NEB: variants seen among roughly 807,000 people sequenced by gnomAD.
The protein encoded by NEB is nebulin.
NEB carries 512 observed loss-of-function variants against 952.2 expected under a neutral mutation model. That is an observed-to-expected ratio of 0.54 (90% CI 0.50 to 0.58). The LOEUF (loss-of-function observed/expected upper bound fraction) is 0.58. NEB is among the 20% of genes least tolerant of loss of function. NEB has a pLI of 0.00. For synonymous variants in NEB, 2,900 were observed against 3,149.8 expected (o/e 0.92, Z 2.66); for missense variants, 8,428 against 9,231.1 (o/e 0.91, Z 3.56).
At chr2:151,657,443 G>T (rs1351282346) in intron 48 of NEB, among the ~76,000 whole-genome samples, 4 of 152,008 alleles carry the variant, frequency 2.6e-5, no homozygotes, top group Non-Finnish European at 4.4e-5. Flanking sequence ...CTGCTTTTTT[G>T]CCGGCCAGCG....
intron 69 of NEB, 98 bp downstream of exon 69, chr2:151,627,425 C>T: frequency 1.3e-6 from 2 of 1,506,096 alleles, no homozygotes; most frequent in Non-Finnish European, 1.8e-6. Context: ...GAAGAAATGT[C>T]ATCCCTTCTG....
chr2:151,653,521 A>G (rs2099054112), intron 52 of NEB, among the ~76,000 whole-genome samples: 1 of 152,188 alleles, frequency 6.6e-6, no homozygotes, highest in Non-Finnish European at 1.5e-5. Context: ...TTATGTCCCA[A>G]GGTAATTTAT....
chr2:151,486,011 C>T (rs2050016360), intron 181 of NEB, 78 bp from the exon 182 acceptor site: 2 of 1,427,476 alleles, frequency 1.4e-6, no homozygotes, highest in Admixed American at 1.8e-5. Context: ...TGTAAGATCT[C>T]TCATGACTGA....
At chr2:151,571,994 T>C (rs1013795810) in intron 107 of NEB, among the ~76,000 whole-genome samples, 3 of 152,254 alleles carry the variant, frequency 2.0e-5, no homozygotes, top group Non-Finnish European at 2.9e-5. Context: ...TGACTTGTTT[T>C]CTGTACAGAA....
intron 23 of NEB, among the ~76,000 whole-genome samples, chr2:151,691,604 T>C (rs1319311719): frequency 1.3e-5 from 2 of 152,210 alleles, no homozygotes; most frequent in Non-Finnish European, 1.5e-5. Context: ...ATCTTAAATC[T>C]GCATGTCCTT....
chr2:151,621,791 T>C (rs1382967052), intron 71 of NEB, among the ~76,000 whole-genome samples: 2 of 152,220 alleles, frequency 1.3e-5, no homozygotes, highest in Admixed American at 1.3e-4. Flanking sequence ...ACTGATTCTG[T>C]ATCCTCTTAA....
chr2:151,695,663 T>C lies in NEB; in HGVS notation c.1589A>G (p.His530Arg). ...ATGGCACTTGAACTTTTCACTTTCA[T>C]GTTTTGCTTTGTAATTTAACTATGA... ...QLSDLNYKAK[H>R]ESEKFKCHIP... is the part of the protein sequence containing the mutation. The change falls in exon 18 of 182, where the codon CAT (histidine) becomes CGT (arginine). Residue 530 changes from histidine to arginine, a missense_variant. By Grantham distance (29) the His-to-Arg change is conservative (BLOSUM62 0). Around this residue, in one of 11 missense-constraint regions of NEB, gnomAD observed 2,851 missense variants for 2,791.5 expected, o/e 1.02. Coordinates refer to ENST00000397345, the MANE Select transcript of NEB (RefSeq NM_001164508.2). 1 of 1,613,354 alleles carries C rather than the reference T, an allele frequency of 6.2e-7. No homozygotes were observed. The highest frequency in any genetic ancestry group is 1.1e-5 in the South Asian group (1 of 90,996).
intron 173 of NEB, among the ~76,000 whole-genome samples, chr2:151,495,678 C>T (rs1190132263): frequency 6.6e-5 from 10 of 152,000 alleles, no homozygotes; most frequent in Non-Finnish European, 1.2e-4. Context: ...ACAACAACAA[C>T]AACAAACAAA....
At chr2:151,540,552 T>TA in intron 137 of NEB, 104 bp from the exon 138 acceptor site, 1 of 1,121,432 alleles carries the variant, frequency 8.9e-7, no homozygotes, top group Non-Finnish European at 1.3e-6. Flanking sequence ...TTACACACTT[T>TA]AAGAGAATAG....
At position 151,527,516 on chromosome 2, in the gene NEB, G is replaced by A; in HGVS notation, c.21805C>T (p.Leu7269Phe). 1 of 1,613,490 alleles carries A rather than the reference G, an allele frequency of 6.2e-7. No homozygotes were observed. The highest frequency in any genetic ancestry group is 8.5e-7 in the Non-Finnish European group (1 of 1,179,684). Residue 7269 changes from leucine to phenylalanine, a missense_variant, in exon 147 of 182, where the codon CTC becomes TTC. By Grantham distance (22) the Leu-to-Phe change is conservative (BLOSUM62 0). This residue lies in a region of NEB where 3,374 missense variants were observed against 3,651.5 expected (regional missense o/e 0.92). Coordinates refer to ENST00000397345, the MANE Select transcript of NEB (RefSeq NM_001164508.2). ...TGCAGGGATGACTTGGCAGCCTGGA[G>A]GAAGTCCGGTCGGTCAGGAGTCCAC... The part of the protein sequence containing the change: ...WKWTPDRPDF[L>F]QAAKSSLQQS...
At chr2:151,547,376 C>T in intron 133 of NEB, 53 bp downstream of exon 133, 1 of 1,404,454 alleles carries the variant, frequency 7.1e-7, no homozygotes, top group Non-Finnish European at 9.9e-7. Flanking sequence ...CTGCTGAAAG[C>T]AAGCCTGCGT....
Position 151,619,451 on chromosome 2 carries a change from G to T in NEB, c.10872C>A (p.Asp3624Glu), listed in dbSNP as rs781328083. 18 of 1,589,072 alleles carry T rather than the reference G, an allele frequency of 1.1e-5. No individual in the cohort carries two copies. The highest frequency in any genetic ancestry group is 1.5e-5 in the Non-Finnish European group (17 of 1,163,530). ...HARKAYDLQS[D>E]NLYKSDLEWM... ...CAGAGCTAACATCAAGGAAACTTAC[G>T]TCACTCTGGAGGTCATAGGCTTTCC... is the stretch of plus-strand genomic sequence containing the variant. The change falls in exon 73 of 182, where the codon GAC (aspartate) becomes GAA (glutamate). Residue 3624 changes from aspartate to glutamate, a missense_variant and splice_region_variant. By Grantham distance (45) the Asp-to-Glu change is conservative. Transcript: ENST00000397345.
At position 151,491,733 on chromosome 2, in the gene NEB, T is replaced by C; in HGVS notation, c.25100A>G (p.Tyr8367Cys). ...WRTNPGSVFD[Y>C]DPAEDNIQSR... ...CTGGATGTTGTCTTCTGCTGGATCA[T>C]AGTCAAAAACCGAACCAGGATTAGT... Residue 8367 changes from tyrosine (Y) to cysteine (C), a missense_variant, in exon 179 of 182, where the codon TAT becomes TGT. Tyr to Cys is a radical substitution (Grantham distance 194, BLOSUM62 -2). Around this residue, in one of 11 missense-constraint regions of NEB, gnomAD observed 3,374 missense variants for 3,651.5 expected, o/e 0.92. Transcript: ENST00000397345. The C allele has an allele frequency of 1.3e-6, 2 of 1,598,348 alleles. No individual in the cohort carries two copies. The highest frequency in any genetic ancestry group is 1.7e-6 in the Non-Finnish European group (2 of 1,171,984).
intron 29 of NEB, among the ~76,000 whole-genome samples, chr2:151,681,850 T>C (rs999337482): frequency 3.9e-5 from 6 of 152,242 alleles, no homozygotes; most frequent in African/African-American, 1.2e-4. Flanking sequence ...GAATATGACA[T>C]ATGGAATAAT....
chr2:151,498,899 A>AAAAC (rs57867185), intron 169 of NEB, among the ~76,000 whole-genome samples: 5 of 151,984 alleles, frequency 3.3e-5, no homozygotes, highest in Non-Finnish European at 7.4e-5. Context: ...GCTAAAAAAA[A>AAAAC]GAAACTTCAA....
At position 151,541,482 on chromosome 2, in the gene NEB, A is replaced by G; in HGVS notation, c.20647T>C (p.Leu6883=). The change falls in exon 136 of 182, where the codon TTA becomes CTA. Residue 6883 remains leucine, a synonymous_variant. Coordinates refer to ENST00000397345, the MANE Select transcript of NEB (RefSeq NM_001164508.2). Reference sequence around the variant, plus strand: ...AGCTTCTGCCCTCGCTTGGCTCTTAAAAGATCAGGAGTATCAGGAACTGAA... The same window carrying G: ...AGCTTCTGCCCTCGCTTGGCTCTTAGAAGATCAGGAGTATCAGGAACTGAA... The part of the protein sequence containing the change: ...FTSVPDTPDL[L]RAKRGQKLQS... 1 of 1,613,228 alleles carries G rather than the reference A, an allele frequency of 6.2e-7. No homozygotes were observed. Among genetic ancestry groups the G allele is most frequent in the Non-Finnish European group, 8.5e-7 (1 of 1,179,448 alleles).
chr2:151,494,327 G>T, intron 173 of NEB, 74 bp from the exon 174 acceptor site: 2 of 981,410 alleles, frequency 2.0e-6, no homozygotes, highest in Non-Finnish European at 3.1e-6. Context: ...AAATGGTACA[G>T]ATAACTTTTG....
In NEB at chr2:151,662,175, T is replaced by C; in HGVS notation, c.5930A>G (p.Asn1977Ser). Residue 1977 changes from asparagine to serine, a missense_variant, in exon 46 of 182, where the codon AAC (asparagine) becomes AGC (serine). By Grantham distance (46) the Asn-to-Ser change is conservative (BLOSUM62 1). Coordinates refer to ENST00000397345, the MANE Select transcript of NEB (RefSeq NM_001164508.2). ...TGCATTATTCTGGGCCAAAACCATGTTCATCGAGTCCATGAGTGTGGAATA... is the reference window on the plus strand; with the variant it reads ...TGCATTATTCTGGGCCAAAACCATGCTCATCGAGTCCATGAGTGTGGAATA... ...LKYSTLMDSMNMVLAQNNAKI... is the reference protein window; with the variant it reads ...LKYSTLMDSMSMVLAQNNAKI... The C allele has an allele frequency of 1.2e-6, 2 of 1,613,524 alleles. 1 individual carries two copies. Among genetic ancestry groups the C allele is most frequent in the South Asian group, 2.2e-5 (2 of 91,046 alleles).
rs111634348 is a variant in NEB at position 151,694,322 on chromosome 2, C to T, written c.1896+1G>A. 6.2e-7 allele frequency: 1 copy of T among 1,612,328 alleles called. No individual in the cohort carries two copies. The highest frequency in any genetic ancestry group is 1.1e-5 in the South Asian group (1 of 91,034). On this transcript the variant is annotated splice_donor_variant, in intron 20 of 181. Coordinates refer to ENST00000397345, the MANE Select transcript of NEB (RefSeq NM_001164508.2). LOFTEE classifies it high-confidence loss of function. The stretch of plus-strand genomic sequence containing the variant: ...TAGGGGTGAATTACAAAGAAACTCA[C>T]ATCACTCTGGTTTTTGGCCACCTTC...
Sources: gnomAD v4.1 joint callset for allele counts (sites outside exome capture counted in the v4.1 genomes callset) on GRCh38, gnomAD v4.1.1 for gene constraint, gnomAD v4.1.1 regional missense constraint, MANE v1.5 for transcripts, NCBI Gene and HGNC (gene_info 2026-07-23, HGNC 2026-07-21) for gene names.